Variants in NALF1 observed in about 807,000 individuals in gnomAD.
NALF1 encodes NALCN channel auxiliary factor 1.
A neutral mutation model predicts 48.4 loss-of-function variants in NALF1; 3 were observed. The ratio of observed to expected loss-of-function variants is 0.06; its 90% CI spans 0.03 to 0.16. The LOEUF (loss-of-function observed/expected upper bound fraction) is 0.16. Among genes scored for constraint, NALF1 ranks in the 10% least tolerant of loss-of-function variants. NALF1 has a pLI of 1.00. For missense variants in NALF1, 526 were observed against 571.5 expected, an observed-to-expected ratio of 0.92 and a Z score of 0.81; for synonymous variants, 262 against 245.7, an observed-to-expected ratio of 1.07 and a Z score of -0.62.
At position 107,560,682 on chromosome 13, in the gene NALF1, C is replaced by T. The variant is rs187358498; in HGVS notation, c.915+305000G>A. Among the ~76,000 whole-genome samples, 451 of 152,274 alleles carry T rather than the reference C, an allele frequency of 3.0e-3. 2 individuals carry two copies. The highest frequency in any genetic ancestry group is 4.3e-3 in the Non-Finnish European group (293 of 68,018). ...ACATACAAGCACACATGCACACTCA[C>T]ACACACTCACACAGAGGTATTTGTA... On this transcript the variant is annotated intron_variant, in intron 1 of 2. Coordinates refer to ENST00000375915, the MANE Select transcript of NALF1 (RefSeq NM_001080396.3).
chr13:107,301,911 A>G (rs773276484), intron 1 of NALF1, among the ~76,000 whole-genome samples: 1 of 152,136 alleles, frequency 6.6e-6, no homozygotes, highest in Non-Finnish European at 1.5e-5. Context: ...AAAACAACCT[A>G]TTTACACAAT....
intron 1 of NALF1, among the ~76,000 whole-genome samples, chr13:107,533,959 G>C (rs1443137787): frequency 6.6e-6 from 1 of 152,048 alleles, no homozygotes; most frequent in Admixed American, 6.6e-5. Flanking sequence ...ATTATGACTT[G>C]GGGAGAACCA....
At chr13:107,705,709 TA>T (rs1881932083) in intron 1 of NALF1, among the ~76,000 whole-genome samples, 1 of 151,966 alleles carries the variant, frequency 6.6e-6, no homozygotes, top group South Asian at 2.1e-4. Context: ...GATTATAACA[TA>T]AAAAACAGGG....
intron 1 of NALF1, among the ~76,000 whole-genome samples, chr13:107,654,576 G>A (rs1198699077): frequency 6.6e-6 from 1 of 151,872 alleles, no homozygotes; most frequent in African/African-American, 2.4e-5. Context: ...CATTCAAAGA[G>A]TTTGTACTAA....
At chr13:107,679,661 T>G (rs969096124) in intron 1 of NALF1, among the ~76,000 whole-genome samples, 2 of 152,106 alleles carry the variant, frequency 1.3e-5, no homozygotes, top group African/African-American at 4.8e-5. Flanking sequence ...AGAATGCCCC[T>G]CATCCAGGAG....
chr13:107,778,725 A>G (rs1877806913), intron 1 of NALF1, among the ~76,000 whole-genome samples: 1 of 152,098 alleles, frequency 6.6e-6, no homozygotes, highest in Admixed American at 6.6e-5. Flanking sequence ...CTCCCTATTC[A>G]AAGGCCCCAT....
intron 1 of NALF1, among the ~76,000 whole-genome samples, chr13:107,862,414 A>G (rs751562265): frequency 1.3e-5 from 2 of 152,100 alleles, no homozygotes; most frequent in Non-Finnish European, 2.9e-5. Context: ...TAGCTTTGTC[A>G]GTTTTTTATT....
At chr13:107,446,415 A>G (rs1884651480) in intron 1 of NALF1, among the ~76,000 whole-genome samples, 1 of 150,476 alleles carries the variant, frequency 6.6e-6, no homozygotes, top group South Asian at 2.1e-4. Flanking sequence ...TCACACACAC[A>G]CACACACACA....
At position 107,349,718 on chromosome 13, in the gene NALF1, C is replaced by T. The variant is rs553648788; in HGVS notation, c.916-138963G>A. On this transcript the variant is annotated intron_variant, in intron 1 of 2. Transcript: ENST00000375915. ...ATGGGGCCACTGCACTCCAGCCTGG[C>T]GACAGAGCGAGAATACGTCTCAAAA... is the stretch of plus-strand genomic sequence containing the variant. Among the ~76,000 whole-genome samples the T allele has an allele frequency of 1.9e-4, 27 of 142,508 alleles. 1 individual carries two copies. In the South Asian group the frequency reaches 4.9e-3, roughly 26 times the overall value. The allele number at this position is 142,508 out of a possible 152,430, so 93.5% of individuals were successfully genotyped here.
At chr13:107,681,268 GTTAT>G (rs1381688617) in intron 1 of NALF1, among the ~76,000 whole-genome samples, 1 of 152,078 alleles carries the variant, frequency 6.6e-6, no homozygotes, top group African/African-American at 2.4e-5. Flanking sequence ...GCCCAAAATA[GTTAT>G]TTATTTGATT....
intron 1 of NALF1, among the ~76,000 whole-genome samples, chr13:107,229,112 A>G (rs1205932609): frequency 6.6e-6 from 1 of 152,164 alleles, no homozygotes; most frequent in African/African-American, 2.4e-5. Context: ...TTCCAGCGTA[A>G]TAATACTTGA....
At position 107,302,882 on chromosome 13, in the gene NALF1, A is replaced by C. The variant is rs569944197; in HGVS notation, c.916-92127T>G. Among the ~76,000 whole-genome samples, 48 of 152,200 alleles carry C rather than the reference A, an allele frequency of 3.2e-4. 1 individual carries two copies. In the South Asian group the frequency reaches 1.0e-2, roughly 32 times the overall value. ...CACACAGACACACACAGACACACAC[A>C]CATTTTAAACATGTGAAAAACATTG... On this transcript the variant is annotated intron_variant, in intron 1 of 2. Coordinates refer to ENST00000375915, the MANE Select transcript of NALF1 (RefSeq NM_001080396.3).
chr13:107,673,324 C>A (rs1389699845), intron 1 of NALF1, among the ~76,000 whole-genome samples: 1 of 152,118 alleles, frequency 6.6e-6, no homozygotes, highest in African/African-American at 2.4e-5. Flanking sequence ...ATGCACCATA[C>A]CCCTCTTATA....
At chr13:107,471,160 G>A (rs1885094151) in intron 1 of NALF1, among the ~76,000 whole-genome samples, 1 of 152,184 alleles carries the variant, frequency 6.6e-6, no homozygotes. Flanking sequence ...ATAACTTATG[G>A]CATGTGTGTG....
chr13:107,548,907 A>G (rs1040990982), intron 1 of NALF1, among the ~76,000 whole-genome samples: 5 of 152,176 alleles, frequency 3.3e-5, no homozygotes, highest in Non-Finnish European at 7.3e-5. Context: ...TCCAAATATA[A>G]GTATTATGCA....
chr13:107,567,517 A>G (rs1877851566), intron 1 of NALF1, among the ~76,000 whole-genome samples: 1 of 152,244 alleles, frequency 6.6e-6, no homozygotes, highest in Non-Finnish European at 1.5e-5. Flanking sequence ...AGAAGGTTAC[A>G]GATGACTACT....
chr13:107,843,712 A>G (rs1181558146), intron 1 of NALF1, among the ~76,000 whole-genome samples: 1 of 152,132 alleles, frequency 6.6e-6, no homozygotes, highest in African/African-American at 2.4e-5. Flanking sequence ...TGACCTCTTT[A>G]CTGCCTTCCC....
intron 1 of NALF1, among the ~76,000 whole-genome samples, chr13:107,794,648 A>AT (rs1410567081): frequency 1.3e-5 from 2 of 151,316 alleles, no homozygotes; most frequent in Non-Finnish European, 2.9e-5. Context: ...ATTGAGTTAA[A>AT]AAAAAAAAAA....
At chr13:107,344,966 A>G (rs1882747056) in intron 1 of NALF1, among the ~76,000 whole-genome samples, 1 of 152,154 alleles carries the variant, frequency 6.6e-6, no homozygotes, top group Non-Finnish European at 1.5e-5. Flanking sequence ...TAGAACTAAT[A>G]AAAACAAATT....
Sources: gnomAD v4.1 joint callset for allele counts (sites outside exome capture counted in the v4.1 genomes callset) on GRCh38, gnomAD v4.1.1 for gene constraint, MANE v1.5 for transcripts, NCBI Gene and HGNC (gene_info 2026-07-23, HGNC 2026-07-21) for gene names.